Variants in VAPA observed in about 807,000 individuals in gnomAD.
VAPA encodes VAMP associated protein A.
In VAPA, 6 loss-of-function variants were observed where a neutral mutation model predicts 25.6. That is an observed-to-expected ratio of 0.23 (90% CI 0.13 to 0.46). The LOEUF is 0.46. VAPA is among the 20% of genes least tolerant of loss of function. The pLI is 0.99. For missense variants in VAPA, 244 were observed against 302.1 expected, an observed-to-expected ratio of 0.81 and a Z score of 1.43; for synonymous variants, 112 against 106.2, an observed-to-expected ratio of 1.05 and a Z score of -0.34.
chr18:9,925,118 T>C (rs2143308762), intron 1 of VAPA: 1 of 152,280 alleles, frequency 6.6e-6, no homozygotes, highest in Non-Finnish European at 1.5e-5. Flanking sequence ...TTTTTCATAC[T>C]GTAATTTTAG....
intron 5 of VAPA, chr18:9,951,267 GC>G (rs1441916796): frequency 6.6e-6 from 1 of 152,198 alleles, no homozygotes; most frequent in Non-Finnish European, 1.5e-5. Flanking sequence ...GACTGGAAAG[GC>G]CCAGAACCCT....
rs369543758 is a variant in VAPA, at chr18:9,954,042, T to G, written c.592-11T>G. 327 of 1,613,124 alleles carry G rather than the reference T, an allele frequency of 2.0e-4. No homozygotes were observed. Among genetic ancestry groups the G allele is most frequent in the African/African-American group, 3.3e-4 (25 of 74,924 alleles). On this transcript the variant is annotated splice_polypyrimidine_tract_variant and intron_variant, in intron 5 of 5. Coordinates refer to ENST00000400000, the MANE Select transcript of VAPA (RefSeq NM_194434.3). ...TTTTAAAAACCTTTTGTGTGTGTGTTTTTTTTCTAGGATGAAGGTTTAAGG... is the reference window on the plus strand; with the variant it reads ...TTTTAAAAACCTTTTGTGTGTGTGTGTTTTTTCTAGGATGAAGGTTTAAGG...
Position 9,958,664 on chromosome 18 carries a change from A to G in VAPA, c.*4453A>G, listed in dbSNP as rs2069575670. 6.6e-6 allele frequency: 1 copy of G among 152,142 alleles called. No individual in the cohort carries two copies. Among genetic ancestry groups the G allele is most frequent in the South Asian group, 2.1e-4 (1 of 4,824 alleles). The allele number at this position is 152,142 out of a possible 1,614,324, so 9.4% of individuals were successfully genotyped here. A position where few individuals can be genotyped will look rare whatever the true frequency, so the allele number is the denominator to read the frequency against. ...AGGTTTTTAAATGCCAAAGGCAGAT[A>G]TGAAGTAGATTTAATTAAGACTTGA... On this transcript the variant is annotated 3_prime_UTR_variant, in exon 6 of 6. Coordinates refer to ENST00000400000, the MANE Select transcript of VAPA (RefSeq NM_194434.3).
intron 4 of VAPA, among the ~76,000 whole-genome samples, chr18:9,947,006 A>G (rs966680901): frequency 6.6e-6 from 1 of 152,196 alleles, no homozygotes; most frequent in African/African-American, 2.4e-5. Context: ...CTAGGCCTGC[A>G]CAGGGGCGGG....
At chr18:9,937,218 CTTTTTT>C (rs10642192) in intron 4 of VAPA, 152 bp downstream of exon 4, 2 of 205,414 alleles carry the variant, frequency 9.7e-6, no homozygotes, top group South Asian at 2.6e-4. Flanking sequence ...CTTGGTATGC[CTTTTTT>C]TTTTTTTTTT....
chr18:9,924,820 C>G (rs1377411610), intron 1 of VAPA: 1 of 151,528 alleles, frequency 6.6e-6, no homozygotes, highest in Non-Finnish European at 1.5e-5. Flanking sequence ...AGTGATTTAC[C>G]CAAGGTCCAT....
At chr18:9,936,006 T>G in intron 2 of VAPA, 104 bp from the exon 3 acceptor site, 1 of 760,254 alleles carries the variant, frequency 1.3e-6, no homozygotes, top group Non-Finnish European at 2.0e-6. Context: ...AGATACGGTT[T>G]AAGGCAAATC....
In VAPA at chr18:9,914,217, C is replaced by T. The variant is rs543175652; in HGVS notation, c.-40C>T. 4.5e-6 allele frequency: 7 copies of T among 1,549,022 alleles called. No individual in the cohort carries two copies. Among genetic ancestry groups the T allele is most frequent in the East Asian group, 2.7e-5 (1 of 37,436 alleles). On this transcript the variant is annotated 5_prime_UTR_variant, in exon 1 of 6. Coordinates refer to ENST00000400000, the MANE Select transcript of VAPA (RefSeq NM_194434.3). ...CGTCCCCCGCCCCCAGTCAGCAAAC[C>T]GCCGCCGCGGGCGCGCCCCCGCTCT...
At chr18:9,917,346 A>G (rs2143274276) in intron 1 of VAPA, among the ~76,000 whole-genome samples, 1 of 152,132 alleles carries the variant, frequency 6.6e-6, no homozygotes, top group East Asian at 1.9e-4. Context: ...GCTCTGTTGC[A>G]GTGGCTCGAT....
intron 4 of VAPA, among the ~76,000 whole-genome samples, chr18:9,942,471 GC>G (rs33939867): frequency 0.15 from 22,550 of 151,752 alleles, 1,756 homozygotes; most frequent in South Asian, 0.2. Flanking sequence ...CACTTCCCCA[GC>G]CCCCCCTTCC....
intron 4 of VAPA, among the ~76,000 whole-genome samples, chr18:9,938,726 T>G (rs1295364474): frequency 6.6e-6 from 1 of 152,228 alleles, no homozygotes; most frequent in Non-Finnish European, 1.5e-5. Flanking sequence ...CTAATTGGAT[T>G]ATCTGGACTT....
In VAPA at chr18:9,936,138, G is replaced by A. The variant is rs1001488655; in HGVS notation, c.261G>A (p.Pro87=). The A allele has an allele frequency of 2.4e-5, 38 of 1,605,990 alleles. No individual in the cohort carries two copies. The highest frequency in any genetic ancestry group is 3.4e-5 in the Admixed American group (2 of 59,182). The part of the protein sequence containing the change: ...SVMLQPFDYD[P]NEKSKHKFMV... ...TGCTACAGCCCTTTGACTATGATCC[G>A]AATGAAAAGAGTAAACACAAGTTTA... is the stretch of plus-strand genomic sequence containing the variant. Residue 87 remains proline, a synonymous_variant, in exon 3 of 6, where the codon CCG becomes CCA. Transcript: ENST00000400000.
At position 9,914,239 on chromosome 18, in the gene VAPA, C is replaced by T. The variant is rs1180161324; in HGVS notation, c.-18C>T. On this transcript the variant is annotated 5_prime_UTR_variant, in exon 1 of 6. Coordinates refer to ENST00000400000, the MANE Select transcript of VAPA (RefSeq NM_194434.3). The stretch of plus-strand genomic sequence containing the variant: ...AACCGCCGCCGCGGGCGCGCCCCCG[C>T]TCTGCGCTGTCTCTCCGATGGCGTC... The T allele has an allele frequency of 2.5e-6, 4 of 1,574,808 alleles. No individual in the cohort carries two copies. Among genetic ancestry groups the T allele is most frequent in the Non-Finnish European group, 3.4e-6 (4 of 1,162,912 alleles).
At chr18:9,920,873 C>CA (rs1252567108) in intron 1 of VAPA, among the ~76,000 whole-genome samples, 2 of 152,218 alleles carry the variant, frequency 1.3e-5, no homozygotes, top group African/African-American at 4.8e-5. Context: ...TGTCCTCCCT[C>CA]ACGTCTGTCA....
chr18:9,936,135 T>C lies in VAPA; in HGVS notation c.258T>C (p.Asp86=), dbSNP rs29152. The change falls in exon 3 of 6, where the codon GAT becomes GAC. Residue 86 remains aspartate, a synonymous_variant. Transcript: ENST00000400000. The stretch of plus-strand genomic sequence containing the variant: ...TAATGCTACAGCCCTTTGACTATGA[T>C]CCGAATGAAAAGAGTAAACACAAGT... The part of the protein sequence containing the change: ...VSVMLQPFDY[D]PNEKSKHKFM... 0.021 allele frequency: 33,394 copies of C among 1,607,778 alleles called. 815 individuals carry two copies. Among genetic ancestry groups the C allele is most frequent in the African/African-American group, 0.096 (7,184 of 74,752 alleles).
At chr18:9,928,432 C>CT (rs1265048057) in intron 1 of VAPA, among the ~76,000 whole-genome samples, 1 of 152,136 alleles carries the variant, frequency 6.6e-6, no homozygotes, top group African/African-American at 2.4e-5. Context: ...CTTTTACCCT[C>CT]TCCCAGTTAC....
chr18:9,945,027 G>A, intron 4 of VAPA: 1 of 1,614,170 alleles, frequency 6.2e-7, no homozygotes, highest in Non-Finnish European at 8.5e-7. Context: ...GACCCCAGGG[G>A]ACTCAGTGTG....
intron 1 of VAPA, among the ~76,000 whole-genome samples, chr18:9,922,796 C>T (rs1338300513): frequency 2.0e-5 from 3 of 152,088 alleles, no homozygotes; most frequent in African/African-American, 7.2e-5. Context: ...CAGCCTCTTC[C>T]TGTGATGCCA....
In VAPA at chr18:9,956,298, G is replaced by A. The variant is rs2069549986; in HGVS notation, c.*2087G>A. 6.6e-6 allele frequency: 1 copy of A among 152,146 alleles called. No homozygotes were observed. The highest frequency in any genetic ancestry group is 1.5e-5 in the Non-Finnish European group (1 of 68,032). 9.4% of individuals were successfully genotyped at this position (152,146 alleles called of 1,614,324 possible). On this transcript the variant is annotated 3_prime_UTR_variant, in exon 6 of 6. Transcript: ENST00000400000. ...GAAAATTGTCTTAGTTTGAGAGATG[G>A]CTGAAATAATGAACATAAAATGCTA...
Sources: gnomAD v4.1 joint callset for allele counts (sites outside exome capture counted in the v4.1 genomes callset) on GRCh38, gnomAD v4.1.1 for gene constraint, MANE v1.5 for transcripts, NCBI Gene and HGNC (gene_info 2026-07-23, HGNC 2026-07-21) for gene names.